Variants in KIAA1328 observed in about 807,000 individuals in gnomAD.
KIAA1328 encodes KIAA1328, also known as protein hinderin.
In KIAA1328, 52 loss-of-function variants were observed where a neutral mutation model predicts 68.1. The observed-to-expected ratio is 0.76, with a 90% CI of 0.61 to 0.96. The LOEUF (loss-of-function observed/expected upper bound fraction) is 0.96. Ranked by LOEUF, KIAA1328 falls within the 40% of genes least tolerant of loss-of-function variation. KIAA1328 has a pLI of 0.00. For missense variants in KIAA1328, 641 were observed against 677.6 expected (o/e 0.95, Z 0.60); for synonymous variants, 232 against 239.4 (o/e 0.97, Z 0.28).
At chr18:36,983,651 A>C (rs749940909) in intron 6 of KIAA1328, among the ~76,000 whole-genome samples, 9 of 152,130 alleles carry the variant, frequency 5.9e-5, no homozygotes, top group Non-Finnish European at 1.0e-4. Flanking sequence ...TCACAAAGAA[A>C]ACTCAAAGCC....
At chr18:36,971,396 G>A (rs970580795) in intron 6 of KIAA1328, among the ~76,000 whole-genome samples, 15 of 152,052 alleles carry the variant, frequency 9.9e-5, no homozygotes, top group African/African-American at 2.9e-4. Flanking sequence ...TTGGGAAGCC[G>A]AGGTCAGTGG....
At chr18:36,949,599 C>CCG (rs1556833399) in intron 5 of KIAA1328, among the ~76,000 whole-genome samples, 1 of 109,136 alleles carries the variant, frequency 9.2e-6, no homozygotes, top group Admixed American at 9.8e-5. Context: ...TACCCAGCTC[C>CCG]CCCCCCCCCA....
chr18:36,889,104 A>G (rs1294137208), intron 5 of KIAA1328, among the ~76,000 whole-genome samples: 2 of 152,194 alleles, frequency 1.3e-5, no homozygotes, highest in African/African-American at 2.4e-5. Context: ...TTCTTCTTGT[A>G]GAAAATTGTG....
intron 4 of KIAA1328, among the ~76,000 whole-genome samples, chr18:36,885,226 A>G (rs1319819552): frequency 6.6e-6 from 1 of 152,204 alleles, no homozygotes; most frequent in Non-Finnish European, 1.5e-5. Context: ...TAACAAAAAA[A>G]TGAAACCCAT....
chr18:37,209,952 A>G (rs1205968400), intron 9 of KIAA1328, among the ~76,000 whole-genome samples: 1 of 152,182 alleles, frequency 6.6e-6, no homozygotes, highest in Non-Finnish European at 1.5e-5. Context: ...AAGATAGGAG[A>G]GCAAAGGACT....
chr18:37,208,735 C>T (rs367983616), intron 9 of KIAA1328, among the ~76,000 whole-genome samples: 1 of 152,192 alleles, frequency 6.6e-6, no homozygotes, highest in African/African-American at 2.4e-5. Flanking sequence ...GAAGAAAGAG[C>T]CAGGTTTCAA....
At chr18:37,139,342 G>T (rs1197329463) in intron 7 of KIAA1328, among the ~76,000 whole-genome samples, 1 of 152,116 alleles carries the variant, frequency 6.6e-6, no homozygotes, top group African/African-American at 2.4e-5. Flanking sequence ...TGAAGATTTA[G>T]TTGGGATGTT....
At chr18:36,892,067 A>G (rs555277431) in intron 5 of KIAA1328, among the ~76,000 whole-genome samples, 20 of 152,302 alleles carry the variant, frequency 1.3e-4, no homozygotes, top group African/African-American at 4.8e-4. Flanking sequence ...AAAGCTTTGT[A>G]TTTAACTATA....
chr18:37,184,406 G>A (rs987881675), intron 9 of KIAA1328, among the ~76,000 whole-genome samples: 5 of 152,128 alleles, frequency 3.3e-5, no homozygotes, highest in Non-Finnish European at 4.4e-5. Context: ...AGACAATGTC[G>A]GTATCAATGA....
chr18:36,960,931 G>A (rs761363326), intron 6 of KIAA1328, among the ~76,000 whole-genome samples: 44 of 152,278 alleles, frequency 2.9e-4, no homozygotes, highest in African/African-American at 7.2e-4. Flanking sequence ...GCAACTCCTC[G>A]CCAGCAATGG....
intron 5 of KIAA1328, among the ~76,000 whole-genome samples, chr18:36,948,932 CATT>C (rs1421410009): frequency 6.6e-6 from 1 of 152,220 alleles, no homozygotes; most frequent in Non-Finnish European, 1.5e-5. Flanking sequence ...CTTCACAAAG[CATT>C]ATTCACACAA....
intron 6 of KIAA1328, among the ~76,000 whole-genome samples, chr18:36,990,445 C>T (rs1476052026): frequency 6.6e-6 from 1 of 151,980 alleles, no homozygotes; most frequent in Non-Finnish European, 1.5e-5. Flanking sequence ...GAGGCTGAGG[C>T]AGGCGGATCA....
At position 36,885,488 on chromosome 18, in the gene KIAA1328, A is replaced by G. The variant is rs943012091; in HGVS notation, c.333-69A>G. On this transcript the variant is annotated intron_variant, in intron 4 of 9. Transcript: ENST00000280020. ...CTTTGGAAGAAGTCTGGTTTTGTAA[A>G]CTGCAGCTGTAGGCACATATTTAAT... 7.2e-6 allele frequency: 6 copies of G among 832,198 alleles called. No homozygotes were observed. In the Admixed American group the frequency reaches 1.4e-4, roughly 19 times the overall value. 51.6% of individuals were successfully genotyped at this position (832,198 alleles called of 1,614,324 possible).
intron 9 of KIAA1328, among the ~76,000 whole-genome samples, chr18:37,174,586 TTTTA>T (rs1305392613): frequency 1.3e-5 from 2 of 149,310 alleles, no homozygotes; most frequent in Non-Finnish European, 3.0e-5. Context: ...TTTATTTTTA[TTTTA>T]TTTTATTTTA....
At chr18:37,158,066 A>G (rs2059194853) in intron 7 of KIAA1328, among the ~76,000 whole-genome samples, 2 of 148,990 alleles carry the variant, frequency 1.3e-5, no homozygotes, top group African/African-American at 5.0e-5. Flanking sequence ...ACAGAGTCTC[A>G]CTGTCTCCCA....
intron 6 of KIAA1328, among the ~76,000 whole-genome samples, chr18:36,983,999 G>A (rs2052802966): frequency 6.6e-6 from 1 of 152,118 alleles, no homozygotes; most frequent in African/African-American, 2.4e-5. Context: ...CTAAAAAAGA[G>A]TGACCATATA....
chr18:36,844,967 A>G (rs562610988), intron 4 of KIAA1328, among the ~76,000 whole-genome samples: 50 of 152,016 alleles, frequency 3.3e-4, no homozygotes, highest in African/African-American at 1.1e-3. Flanking sequence ...TTGATAAAAT[A>G]GTACTACTTT....
chr18:36,829,329 C>G, intron 1 of KIAA1328, 133 bp downstream of exon 1: 1 of 1,399,276 alleles, frequency 7.1e-7, no homozygotes, highest in Non-Finnish European at 9.2e-7. Context: ...GCTGCTCGGC[C>G]CCAGTCTAGG....
At chr18:36,873,232 A>G (rs1832222371) in intron 4 of KIAA1328, among the ~76,000 whole-genome samples, 2 of 152,196 alleles carry the variant, frequency 1.3e-5, no homozygotes, top group Admixed American at 1.3e-4. Context: ...TGGCATCTTC[A>G]GCAGGTACTT....
Sources: gnomAD v4.1 joint callset for allele counts (sites outside exome capture counted in the v4.1 genomes callset) on GRCh38, gnomAD v4.1.1 for gene constraint, MANE v1.5 for transcripts, NCBI Gene and HGNC (gene_info 2026-07-23, HGNC 2026-07-21) for gene names.